NETO2: variants seen among roughly 807,000 people sequenced by gnomAD.
NETO2 encodes the protein neuropilin and tolloid like 2, also known as neuropilin and tolloid-like protein 2.
In NETO2, 28 loss-of-function variants were observed where a neutral mutation model predicts 62.5. The ratio of observed to expected loss-of-function variants is 0.45; its 90% CI spans 0.33 to 0.61. The LOEUF is 0.61. Ranked by LOEUF, NETO2 falls within the 20% of genes least tolerant of loss-of-function variation. The pLI, the probability that NETO2 is intolerant of heterozygous loss-of-function variation, is 0.02. For missense variants in NETO2, 548 were observed against 643.2 expected (o/e 0.85, Z 1.60); for synonymous variants, 214 against 219.1 (o/e 0.98, Z 0.21).
intron 7 of NETO2, among the ~76,000 whole-genome samples, chr16:47,094,323 A>G (rs1963382475): frequency 6.6e-6 from 1 of 151,844 alleles, no homozygotes; most frequent in African/African-American, 2.4e-5. Context: ...GAGATAGAAA[A>G]GCAAAGAAAT....
Position 47,112,982 on chromosome 16 carries a change from A to G in NETO2, c.655-3271T>C, listed in dbSNP as rs374418363. 3.3e-5 allele frequency among the ~76,000 whole-genome samples: 5 copies of G among 152,340 alleles called. No homozygotes were observed. In the South Asian group the frequency reaches 8.3e-4, roughly 25 times the overall value. ...CTCATACCAATTATAGAAATAAATCACTATGTATCCATTCTCCTATTGGGC... is the reference window on the plus strand; with the variant it reads ...CTCATACCAATTATAGAAATAAATCGCTATGTATCCATTCTCCTATTGGGC... On this transcript the variant is annotated intron_variant, in intron 6 of 8. Coordinates refer to ENST00000562435, the MANE Select transcript of NETO2 (RefSeq NM_018092.5).
chr16:47,111,776 A>C (rs566337470), intron 6 of NETO2, among the ~76,000 whole-genome samples: 1 of 152,274 alleles, frequency 6.6e-6, no homozygotes, highest in African/African-American at 2.4e-5. Context: ...GAGACGTAGA[A>C]CTGGTGGGCA....
Position 47,117,904 on chromosome 16 carries a change from T to C in NETO2, c.654+4753A>G, listed in dbSNP as rs182064699. On this transcript the variant is annotated intron_variant, in intron 6 of 8. Transcript: ENST00000562435. Reference sequence around the variant, plus strand: ...GAGTTTGAGAACAGCCTAGGCAACATTGTGAGATCCTATTTCTATTAAAAA... The same window carrying C: ...GAGTTTGAGAACAGCCTAGGCAACACTGTGAGATCCTATTTCTATTAAAAA... 7.9e-5 allele frequency among the ~76,000 whole-genome samples: 12 copies of C among 152,220 alleles called. No homozygotes were observed. The East Asian group carries it at 1.2e-3, about 15-fold the overall frequency.
At chr16:47,128,249 C>T in intron 4 of NETO2, 76 bp downstream of exon 4, 1 of 1,503,948 alleles carries the variant, frequency 6.6e-7, no homozygotes, top group South Asian at 1.3e-5. Context: ...AAATTAATCT[C>T]TTTTCTAACC....
rs112354967 is a variant in NETO2, at chr16:47,083,119, T to C, written c.*102A>G. 1.3e-5 allele frequency: 13 copies of C among 1,011,140 alleles called. 1 individual carries two copies. In the African/African-American group the frequency reaches 1.4e-4, roughly 11 times the overall value. The allele number at this position is 1,011,140 out of a possible 1,614,324, so 62.6% of individuals were successfully genotyped here. A position where few individuals can be genotyped will look rare whatever the true frequency, so the allele number is the denominator to read the frequency against. ...GGTTAACGGTAAATCAAGGTCTTCGTAGTTGTGATGGGAGAAAAGGGTTGG... is the reference window on the plus strand; with the variant it reads ...GGTTAACGGTAAATCAAGGTCTTCGCAGTTGTGATGGGAGAAAAGGGTTGG... On this transcript the variant is annotated 3_prime_UTR_variant, in exon 9 of 9. Coordinates refer to ENST00000562435, the MANE Select transcript of NETO2 (RefSeq NM_018092.5).
chr16:47,093,545 T>C (rs1963359209), intron 7 of NETO2, among the ~76,000 whole-genome samples: 2 of 152,198 alleles, frequency 1.3e-5, no homozygotes, highest in African/African-American at 4.8e-5. Context: ...TGCATGTTTG[T>C]ATCTTCCTAG....
intron 6 of NETO2, among the ~76,000 whole-genome samples, chr16:47,119,805 G>A (rs181308972): frequency 1.3e-5 from 2 of 152,214 alleles, no homozygotes; most frequent in Admixed American, 1.3e-4. Flanking sequence ...AACATATGGA[G>A]TTTTAAAGTA....
chr16:47,092,143 C>T (rs1433968869), intron 7 of NETO2, among the ~76,000 whole-genome samples: 1 of 151,976 alleles, frequency 6.6e-6, no homozygotes, highest in East Asian at 1.9e-4. Flanking sequence ...CCACTGTGTC[C>T]AGTCCATGCC....
Position 47,083,459 on chromosome 16 carries a change from A to G in NETO2, c.1340T>C (p.Val447Ala). ...ACTGAGGTTGGTCCTGCTTTGTTTG[A>G]CGCTGGAGGCCTGCGACCCACAGTG... Reference protein sequence around the residue: ...DHHCGSQASSVKQSRTNLSSM... With the variant: ...DHHCGSQASSAKQSRTNLSSM... Residue 447 changes from valine to alanine, a missense_variant, in exon 9 of 9, where the codon GTC becomes GCC. Physicochemically the swap from Val to Ala is moderately conservative, Grantham distance 64. Transcript: ENST00000562435. The G allele has an allele frequency of 6.2e-7, 1 of 1,614,088 alleles. No individual in the cohort carries two copies. Among genetic ancestry groups the G allele is most frequent in the Non-Finnish European group, 8.5e-7 (1 of 1,180,014 alleles).
At chr16:47,140,419 T>G (rs1257829562) in intron 1 of NETO2, among the ~76,000 whole-genome samples, 6 of 152,246 alleles carry the variant, frequency 3.9e-5, no homozygotes, top group Non-Finnish European at 8.8e-5. Context: ...GTCTATTGTT[T>G]TAAAATTTCA....
intron 4 of NETO2, among the ~76,000 whole-genome samples, chr16:47,125,430 C>G (rs903925860): frequency 1.3e-5 from 2 of 151,730 alleles, no homozygotes; most frequent in Middle Eastern, 3.2e-3. Context: ...TCTGCAACCT[C>G]CACCTCCCAG....
At chr16:47,096,888 G>A (rs536407547) in intron 7 of NETO2, among the ~76,000 whole-genome samples, 4 of 152,212 alleles carry the variant, frequency 2.6e-5, no homozygotes, top group Non-Finnish European at 5.9e-5. Flanking sequence ...CACGGAGGAC[G>A]AGTAGGAGCA....
intron 7 of NETO2, among the ~76,000 whole-genome samples, chr16:47,093,875 C>T (rs999982213): frequency 1.3e-5 from 2 of 152,150 alleles, no homozygotes; most frequent in East Asian, 1.9e-4. Flanking sequence ...TGTATTTGCA[C>T]AAATCATACA....
chr16:47,092,786 C>T (rs1041101075), intron 7 of NETO2, among the ~76,000 whole-genome samples: 1 of 152,212 alleles, frequency 6.6e-6, no homozygotes, highest in African/African-American at 2.4e-5. Flanking sequence ...AGTTCACTCT[C>T]AGCAAATGCC....
chr16:47,112,277 C>T (rs1963817214), intron 6 of NETO2, among the ~76,000 whole-genome samples: 1 of 152,084 alleles, frequency 6.6e-6, no homozygotes, highest in East Asian at 1.9e-4. Flanking sequence ...TAGTTTCTCA[C>T]ATTTAGTATT....
intron 7 of NETO2, among the ~76,000 whole-genome samples, chr16:47,089,927 G>A (rs1313989030): frequency 6.6e-6 from 1 of 151,882 alleles, no homozygotes. Flanking sequence ...CAATATAATT[G>A]TATATTATGT....
intron 1 of NETO2, among the ~76,000 whole-genome samples, chr16:47,141,313 CAA>C (rs1555500156): frequency 2.6e-5 from 4 of 152,154 alleles, no homozygotes; most frequent in Non-Finnish European, 5.9e-5. Context: ...GATGTTAAAG[CAA>C]TTCACTTTAT....
chr16:47,122,826 T>C (rs1242824544), intron 5 of NETO2, 42 bp from the exon 6 acceptor site: 5 of 1,613,730 alleles, frequency 3.1e-6, no homozygotes, highest in Non-Finnish European at 4.2e-6. Context: ...AACATAAGAC[T>C]AATCAAAAAT....
At chr16:47,096,864 C>T (rs559913456) in intron 7 of NETO2, among the ~76,000 whole-genome samples, 1 of 152,222 alleles carries the variant, frequency 6.6e-6, no homozygotes, top group South Asian at 2.1e-4. Context: ...ACTGGTTAGA[C>T]AGTGGGTACA....
Sources: allele counts gnomAD v4.1 joint callset (sites outside exome capture counted in the v4.1 genomes callset), GRCh38; gene constraint gnomAD v4.1.1; transcripts MANE v1.5; gene names NCBI Gene and HGNC (gene_info 2026-07-23, HGNC 2026-07-21).